The following CNTN5 variants were observed in gnomAD, a reference collection of about 807,000 sequenced individuals.
The protein encoded by CNTN5 is contactin-5.
Under a neutral mutation model 129.1 loss-of-function variants are expected in CNTN5, and 77 were observed. That is an observed-to-expected ratio of 0.60 (90% CI 0.50 to 0.72). The LOEUF (loss-of-function observed/expected upper bound fraction) is 0.72. CNTN5 is among the 30% of genes least tolerant of loss of function. The probability of loss-of-function intolerance (pLI) is 0.00; values close to 1 mark genes in which losing one functional copy is unlikely to be tolerated. For synonymous variants in CNTN5, 509 were observed against 465.6 expected, an observed-to-expected ratio of 1.09 and a Z score of -1.20; for missense variants, 1,478 against 1,328.8, an observed-to-expected ratio of 1.11 and a Z score of -1.75.
At chr11:99,743,532 G>A (rs144594537) in intron 3 of CNTN5, among the ~76,000 whole-genome samples, 222 of 152,186 alleles carry the variant, frequency 1.5e-3, no homozygotes, top group Non-Finnish European at 1.6e-3. Context: ...GCAATTACAT[G>A]AAGTACATAT....
chr11:100,128,156 C>T (rs1946256951), intron 13 of CNTN5, among the ~76,000 whole-genome samples: 1 of 152,130 alleles, frequency 6.6e-6, no homozygotes, highest in Non-Finnish European at 1.5e-5. Context: ...CTGAACATCT[C>T]CACTTGGCTG....
At chr11:100,308,631 T>A in intron 21 of CNTN5, 163 bp downstream of exon 21, 1 of 1,341,612 alleles carries the variant, frequency 7.5e-7, no homozygotes, top group Non-Finnish European at 9.6e-7. Flanking sequence ...ATGTGTTATG[T>A]TGCTCATTAA....
chr11:100,288,200 G>A (rs1411693575), intron 18 of CNTN5, among the ~76,000 whole-genome samples: 5 of 152,044 alleles, frequency 3.3e-5, no homozygotes, highest in South Asian at 2.1e-4. Context: ...ACAGATCAAC[G>A]AGACAGAAAG....
intron 1 of CNTN5, among the ~76,000 whole-genome samples, chr11:99,116,679 T>A (rs1360839471): frequency 6.6e-6 from 1 of 152,216 alleles, no homozygotes; most frequent in Non-Finnish European, 1.5e-5. Flanking sequence ...AATTTATGAT[T>A]TAAGAGTATT....
chr11:99,493,756 C>T lies in CNTN5; in HGVS notation c.-70-62389C>T, dbSNP rs534999873. Among the ~76,000 whole-genome samples the T allele has an allele frequency of 2.6e-5, 4 of 152,184 alleles. No homozygotes were observed. In the South Asian group the frequency reaches 6.2e-4, roughly 24 times the overall value. On this transcript the variant is annotated intron_variant, in intron 2 of 24. Coordinates refer to ENST00000524871, the MANE Select transcript of CNTN5 (RefSeq NM_014361.4). ...CCTGAGCAAATGTCATTTGAGCAAA[C>T]GATTGGTCCATGTATTTTTTAACAA...
chr11:100,037,927 A>T lies in CNTN5; in HGVS notation c.981-23285A>T, dbSNP rs1942123574. 2.6e-5 allele frequency among the ~76,000 whole-genome samples: 4 copies of T among 152,022 alleles called. No individual in the cohort carries two copies. The South Asian group carries it at 8.3e-4, about 32-fold the overall frequency. On this transcript the variant is annotated intron_variant, in intron 9 of 24. Coordinates refer to ENST00000524871, the MANE Select transcript of CNTN5 (RefSeq NM_014361.4). ...ATCTTTTCAAAAAACCAGCTCCTGG[A>T]TTCATTGATTTTTTGAAGGGTTTTT...
In CNTN5 at chr11:100,087,282, CAAG is replaced by C. The variant is rs545873045; in HGVS notation, c.1580+12994_1580+12996del. ...TAAAAAATGATATTTCAAATTGACT[CAAG>C]AAGAATTGAAAAATTTAAATAATTT... On this transcript the variant is annotated intron_variant, in intron 13 of 24. Coordinates refer to ENST00000524871, the MANE Select transcript of CNTN5 (RefSeq NM_014361.4). Among the ~76,000 whole-genome samples, 784 of 151,658 alleles carry C rather than the reference CAAG, an allele frequency of 5.2e-3. 6 individuals are homozygous for C. The highest frequency in any genetic ancestry group is 0.01 in the Middle Eastern group (3 of 292).
chr11:99,464,516 G>A (rs978721934), intron 2 of CNTN5, among the ~76,000 whole-genome samples: 1 of 152,134 alleles, frequency 6.6e-6, no homozygotes, highest in Non-Finnish European at 1.5e-5. Context: ...AGATGTCTAA[G>A]TTTCTAAGTA....
chr11:99,468,954 T>C (rs1034873746), intron 2 of CNTN5, among the ~76,000 whole-genome samples: 3 of 152,172 alleles, frequency 2.0e-5, no homozygotes, highest in Admixed American at 6.5e-5. Flanking sequence ...AAAAGAAATA[T>C]GTGAAATTCA....
chr11:99,671,240 G>C (rs1417897423), intron 3 of CNTN5, among the ~76,000 whole-genome samples: 1 of 150,800 alleles, frequency 6.6e-6, no homozygotes, highest in Non-Finnish European at 1.5e-5. Flanking sequence ...TTCTAAACTT[G>C]TAAACACAGA....
intron 2 of CNTN5, among the ~76,000 whole-genome samples, chr11:99,489,625 C>T (rs1313675157): frequency 1.3e-5 from 2 of 152,064 alleles, no homozygotes; most frequent in African/African-American, 4.8e-5. Context: ...ATTATAGAGT[C>T]TATGTATTAT....
chr11:99,411,501 C>G (rs1415029452), intron 2 of CNTN5, among the ~76,000 whole-genome samples: 1 of 151,996 alleles, frequency 6.6e-6, no homozygotes, highest in East Asian at 1.9e-4. Context: ...GCCTGGATGA[C>G]AGAATGAGAC....
intron 2 of CNTN5, among the ~76,000 whole-genome samples, chr11:99,489,473 T>C (rs1035919671): frequency 2.6e-5 from 4 of 152,226 alleles, no homozygotes; most frequent in Non-Finnish European, 4.4e-5. Flanking sequence ...TTTTGTCATA[T>C]ATATATTTTA....
intron 1 of CNTN5, among the ~76,000 whole-genome samples, chr11:99,098,872 C>T (rs917018987): frequency 6.6e-6 from 1 of 152,066 alleles, no homozygotes; most frequent in Non-Finnish European, 1.5e-5. Flanking sequence ...TCTCAGCTGT[C>T]TTTAGTTTCA....
At chr11:99,470,814 A>AT (rs141021367) in intron 2 of CNTN5, among the ~76,000 whole-genome samples, 98,551 of 149,714 alleles carry the variant, frequency 0.66, 32,360 homozygotes, top group Middle Eastern at 0.72. Context: ...TCACAAATTT[A>AT]TTTTTTTTTA....
intron 3 of CNTN5, among the ~76,000 whole-genome samples, chr11:99,735,219 T>C (rs1000062056): frequency 1.3e-5 from 1 of 78,500 alleles, no homozygotes; most frequent in Non-Finnish European, 2.2e-5. Flanking sequence ...AATTATCTCC[T>C]GAAAATCCCA....
Position 100,336,935 on chromosome 11 carries a change from T to C in CNTN5, c.2731-3528T>C. ...AATACATGCAGTCCCCGGTAGGCTT[T>C]GGATCGCGGGCACCTTCTTAGGCAG... On this transcript the variant is annotated intron_variant, in intron 21 of 24. Transcript: ENST00000524871. 7.6e-6 allele frequency: 5 copies of C among 660,806 alleles called. No homozygotes were observed. The South Asian group carries it at 8.2e-5, about 11-fold the overall frequency. The allele number at this position is 660,806 out of a possible 1,614,324, so 40.9% of individuals were successfully genotyped here.
At chr11:100,288,111 G>A (rs1332616957) in intron 18 of CNTN5, among the ~76,000 whole-genome samples, 1 of 152,084 alleles carries the variant, frequency 6.6e-6, no homozygotes, top group Non-Finnish European at 1.5e-5. Context: ...CATAAAGCAA[G>A]TGCTTAGTGA....
intron 1 of CNTN5, among the ~76,000 whole-genome samples, chr11:99,242,933 C>G (rs576325707): frequency 1.6e-4 from 25 of 152,130 alleles, no homozygotes; most frequent in Admixed American, 1.6e-3. Context: ...GTGGACAGTG[C>G]TGTGATGAAC....
Sources: allele counts gnomAD v4.1 joint callset (sites outside exome capture counted in the v4.1 genomes callset), GRCh38; gene constraint gnomAD v4.1.1; transcripts MANE v1.5; gene names NCBI Gene and HGNC (gene_info 2026-07-23, HGNC 2026-07-21).